SGK3: variants seen among roughly 807,000 people sequenced by gnomAD.
SGK3 encodes the protein serine/threonine-protein kinase Sgk3.
Under a neutral mutation model 68.5 loss-of-function variants are expected in SGK3, and 47 were observed. The ratio of observed to expected loss-of-function variants is 0.69; its 90% CI spans 0.54 to 0.87. SGK3 has a LOEUF of 0.87. Among genes scored for constraint, SGK3 ranks in the 40% least tolerant of loss-of-function variants. The pLI is 0.00. For missense variants in SGK3, 479 were observed against 575.5 expected (o/e 0.83, Z 1.72); for synonymous variants, 181 against 189.1 (o/e 0.96, Z 0.35).
At chr8:66,715,929 A>G (rs1472166829) in intron 1 of SGK3, among the ~76,000 whole-genome samples, 4 of 152,206 alleles carry the variant, frequency 2.6e-5, no homozygotes, top group Non-Finnish European at 4.4e-5. Context: ...CTGCCTGTCA[A>G]CGTTCTTCTG....
chr8:66,840,941 CAAA>C (rs200796293), intron 12 of SGK3, 80 bp from the exon 13 acceptor site: 998 of 762,768 alleles, frequency 1.3e-3, no homozygotes, highest in South Asian at 2.4e-3. Context: ...GACTCTGTTT[CAAA>C]AAAAAAAAAA....
intron 2 of SGK3, among the ~76,000 whole-genome samples, chr8:66,797,208 G>T (rs373715541): frequency 3.4e-4 from 51 of 152,210 alleles, no homozygotes; most frequent in African/African-American, 1.2e-3. Flanking sequence ...TCTTCTCACC[G>T]AGTCAGCACA....
intron 1 of SGK3, among the ~76,000 whole-genome samples, chr8:66,741,314 C>T (rs1318288782): frequency 1.3e-5 from 2 of 152,060 alleles, no homozygotes; most frequent in Non-Finnish European, 2.9e-5. Flanking sequence ...CTTTGGGAGG[C>T]CTAGGTGGGC....
intron 6 of SGK3, among the ~76,000 whole-genome samples, chr8:66,827,091 A>T (rs544681196): frequency 1.5e-4 from 23 of 151,892 alleles, no homozygotes; most frequent in African/African-American, 5.5e-4. Context: ...GATAAGATAA[A>T]ATTTTCTTGG....
At chr8:66,759,648 T>TG (rs1448022527) in intron 1 of SGK3, among the ~76,000 whole-genome samples, 9 of 151,748 alleles carry the variant, frequency 5.9e-5, no homozygotes, top group African/African-American at 2.2e-4. Flanking sequence ...GCCAGGATGG[T>TG]TTTTGTTTGT....
At chr8:66,837,655 G>T (rs1011499804) in intron 10 of SGK3, among the ~76,000 whole-genome samples, 1 of 152,122 alleles carries the variant, frequency 6.6e-6, no homozygotes, top group Non-Finnish European at 1.5e-5. Flanking sequence ...ATGGTGACAT[G>T]CCTCCGTAGT....
At chr8:66,815,373 T>G (rs1266259113) in intron 5 of SGK3, among the ~76,000 whole-genome samples, 3 of 152,168 alleles carry the variant, frequency 2.0e-5, no homozygotes, top group Non-Finnish European at 4.4e-5. Context: ...CTCTGCCACC[T>G]CTGGCAGGTG....
At position 66,810,438 on chromosome 8, in the gene SGK3, C is replaced by T. The variant is rs957423925; in HGVS notation, c.254-3415C>T. On this transcript the variant is annotated intron_variant, in intron 4 of 16. Coordinates refer to ENST00000521198, the MANE Select transcript of SGK3 (RefSeq NM_001033578.3). ...AAAGTCAGCTGGGAGCGGTGGCTCA[C>T]GCCTGTAATCCCAACACTTTGGGAG... Among the ~76,000 whole-genome samples, 5 of 152,216 alleles carry T rather than the reference C, an allele frequency of 3.3e-5. 1 individual carries two copies. The highest frequency in any genetic ancestry group is 6.5e-5 in the Admixed American group (1 of 15,290).
chr8:66,757,845 G>A (rs1055534884), intron 1 of SGK3, among the ~76,000 whole-genome samples: 18 of 150,496 alleles, frequency 1.2e-4, no homozygotes, highest in African/African-American at 4.2e-4. Flanking sequence ...AGCCCAGAAG[G>A]TGGAGGTTGT....
intron 7 of SGK3, among the ~76,000 whole-genome samples, chr8:66,829,067 C>T (rs1223419125): frequency 1.3e-5 from 2 of 151,812 alleles, no homozygotes; most frequent in Admixed American, 6.6e-5. Flanking sequence ...AAAAAGCACC[C>T]TTGCAGGCCT....
intron 7 of SGK3, 135 bp from the exon 8 acceptor site, chr8:66,831,119 A>C: frequency 1.1e-6 from 1 of 930,300 alleles, no homozygotes; most frequent in Non-Finnish European, 1.6e-6. Context: ...AGTACTCAGC[A>C]GGAAAGCTAG....
chr8:66,723,749 T>C (rs1034510590), intron 1 of SGK3, among the ~76,000 whole-genome samples: 3 of 152,204 alleles, frequency 2.0e-5, no homozygotes, highest in Admixed American at 6.5e-5. Context: ...CCAACTGTTA[T>C]AATTTGTTAA....
In SGK3 at chr8:66,812,764, A is replaced by G. The variant is rs1808431637; in HGVS notation, c.254-1089A>G. Among the ~76,000 whole-genome samples the G allele has an allele frequency of 2.0e-5, 3 of 152,318 alleles. No homozygotes were observed. The South Asian group carries it at 6.2e-4, about 32-fold the overall frequency. On this transcript the variant is annotated intron_variant, in intron 4 of 16. Coordinates refer to ENST00000521198, the MANE Select transcript of SGK3 (RefSeq NM_001033578.3). ...ATTATGAGGTATAAATATTGTTACTATCCACATTTTACAAGTAAAAATATG... is the reference window on the plus strand; with the variant it reads ...ATTATGAGGTATAAATATTGTTACTGTCCACATTTTACAAGTAAAAATATG...
At chr8:66,718,399 C>T (rs1410307615) in intron 1 of SGK3, among the ~76,000 whole-genome samples, 1 of 151,348 alleles carries the variant, frequency 6.6e-6, no homozygotes, top group Non-Finnish European at 1.5e-5. Context: ...AGCATCTATA[C>T]ATGCAGATAA....
intron 16 of SGK3, among the ~76,000 whole-genome samples, chr8:66,857,788 A>AGTGTGTGTGTGT (rs1244850448): frequency 4.3e-5 from 5 of 115,402 alleles, no homozygotes; most frequent in South Asian, 3.1e-4. Context: ...GTCTCAAAAA[A>AGTGTGTGTGTGT]GTGTGTGTGT....
chr8:66,758,011 TACACACACACAC>T (rs374764386), intron 1 of SGK3, among the ~76,000 whole-genome samples: 1 of 133,666 alleles, frequency 7.5e-6, no homozygotes, highest in Non-Finnish European at 1.6e-5. Context: ...ACACACACAC[TACACACACACAC>T]ACACACACAC....
At chr8:66,798,072 A>T (rs1453371040) in intron 2 of SGK3, among the ~76,000 whole-genome samples, 1 of 150,882 alleles carries the variant, frequency 6.6e-6, no homozygotes, top group Non-Finnish European at 1.5e-5. Flanking sequence ...CAGTGGTGTG[A>T]TCTCAGCTCA....
chr8:66,798,494 T>A (rs964364587), intron 2 of SGK3, 48 bp from the exon 3 acceptor site: 1 of 1,533,138 alleles, frequency 6.5e-7, no homozygotes, highest in Non-Finnish European at 8.8e-7. Flanking sequence ...GCTAATGGGT[T>A]TTTTGCAATT....
At chr8:66,852,173 CTAGAA>C (rs1474396504) in intron 16 of SGK3, among the ~76,000 whole-genome samples, 7 of 150,530 alleles carry the variant, frequency 4.7e-5, no homozygotes, top group Non-Finnish European at 7.4e-5. Context: ...AGGATAAGGA[CTAGAA>C]TAGAATATAA....
Sources: allele counts gnomAD v4.1 joint callset (sites outside exome capture counted in the v4.1 genomes callset), GRCh38; gene constraint gnomAD v4.1.1; transcripts MANE v1.5; gene names NCBI Gene and HGNC (gene_info 2026-07-23, HGNC 2026-07-21).